LPAR3: variants seen among roughly 807,000 people sequenced by gnomAD.
The protein encoded by LPAR3 is lysophosphatidic acid receptor 3.
Under a neutral mutation model 17.8 loss-of-function variants are expected in LPAR3, and 7 were observed. That is an observed-to-expected ratio of 0.39 (90% CI 0.22 to 0.74). The LOEUF (loss-of-function observed/expected upper bound fraction) is 0.74. LPAR3 is among the 30% of genes least tolerant of loss of function. The probability of loss-of-function intolerance (pLI) is 0.40; values close to 1 mark genes in which losing one functional copy is unlikely to be tolerated. For synonymous variants in LPAR3, 179 were observed against 179.9 expected, an observed-to-expected ratio of 0.99 and a Z score of 0.04; for missense variants, 391 against 453.4, an observed-to-expected ratio of 0.86 and a Z score of 1.25.
intron 2 of LPAR3, among the ~76,000 whole-genome samples, chr1:84,821,982 G>C (rs896759875): frequency 6.6e-6 from 1 of 152,162 alleles, no homozygotes; most frequent in South Asian, 2.1e-4. Context: ...GCAGCCAGGA[G>C]CATGGGTCAG....
intron 2 of LPAR3, among the ~76,000 whole-genome samples, chr1:84,825,330 A>G (rs985868995): frequency 2.0e-5 from 3 of 152,248 alleles, no homozygotes; most frequent in African/African-American, 7.2e-5. Context: ...AATATCTAAC[A>G]TGCAATGGGC....
At chr1:84,821,783 T>C (rs1277511939) in intron 2 of LPAR3, among the ~76,000 whole-genome samples, 1 of 152,040 alleles carries the variant, frequency 6.6e-6, no homozygotes. Context: ...GGGAAGGAAA[T>C]GTGAGACCTG....
chr1:84,853,409 G>C (rs141481522), intron 2 of LPAR3, among the ~76,000 whole-genome samples: 1 of 152,290 alleles, frequency 6.6e-6, no homozygotes, highest in Non-Finnish European at 1.5e-5. Context: ...GTCAGCTGGG[G>C]AATGAGACAG....
In LPAR3 at chr1:84,888,562, T is replaced by C. The variant is rs140291564; in HGVS notation, c.-19+4454A>G. 9.6e-4 allele frequency among the ~76,000 whole-genome samples: 147 copies of C among 152,332 alleles called. 1 individual carries two copies. The highest frequency in any genetic ancestry group is 3.5e-3 in the African/African-American group (144 of 41,572). ...TTGAATTACATGGTCTGAGTCTGTC[T>C]GGGGGCAGCTCCAGAATTTCTACAG... On this transcript the variant is annotated intron_variant, in intron 1 of 2. Transcript: ENST00000370611.
chr1:84,872,735 C>G (rs369773466), intron 1 of LPAR3, among the ~76,000 whole-genome samples: 1 of 152,130 alleles, frequency 6.6e-6, no homozygotes, highest in Non-Finnish European at 1.5e-5. Context: ...AGGCTGTACA[C>G]AGGGACCTCC....
chr1:84,858,837 G>A (rs1472835017), intron 2 of LPAR3, among the ~76,000 whole-genome samples: 1 of 152,186 alleles, frequency 6.6e-6, no homozygotes, highest in Non-Finnish European at 1.5e-5. Context: ...TACGTTGATT[G>A]TTGTATGGAC....
chr1:84,828,521 T>C (rs1488514178), intron 2 of LPAR3, among the ~76,000 whole-genome samples: 2 of 152,266 alleles, frequency 1.3e-5, no homozygotes, highest in South Asian at 2.1e-4. Context: ...TACAAAGCAA[T>C]GTTAGTAAGA....
intron 1 of LPAR3, among the ~76,000 whole-genome samples, chr1:84,878,649 G>A (rs1333267238): frequency 1.3e-5 from 2 of 152,134 alleles, no homozygotes; most frequent in Admixed American, 6.5e-5. Flanking sequence ...CCTCAGCTCA[G>A]CTGTTGGAAG....
intron 2 of LPAR3, among the ~76,000 whole-genome samples, chr1:84,825,042 T>G (rs1299615948): frequency 2.0e-5 from 3 of 152,224 alleles, no homozygotes; most frequent in African/African-American, 7.2e-5. Context: ...CCATTCTATT[T>G]CTCTGCTCCC....
intron 2 of LPAR3, among the ~76,000 whole-genome samples, chr1:84,860,734 A>ATTTTTTT (rs35354113): frequency 3.5e-5 from 4 of 113,544 alleles, no homozygotes; most frequent in Non-Finnish European, 5.3e-5. Flanking sequence ...TTAGGATTTA[A>ATTTTTTT]TTTTTTTTTT....
chr1:84,828,522 G>A (rs1659211980), intron 2 of LPAR3, among the ~76,000 whole-genome samples: 2 of 152,094 alleles, frequency 1.3e-5, no homozygotes, highest in South Asian at 4.2e-4. Flanking sequence ...ACAAAGCAAT[G>A]TTAGTAAGAG....
At chr1:84,844,665 G>C (rs2102756027) in intron 2 of LPAR3, among the ~76,000 whole-genome samples, 2 of 152,194 alleles carry the variant, frequency 1.3e-5, no homozygotes, top group Middle Eastern at 6.8e-3. Flanking sequence ...AGCCACTGAA[G>C]AGAATTAGAC....
chr1:84,876,595 C>T (rs1418648496), intron 1 of LPAR3, among the ~76,000 whole-genome samples: 2 of 152,146 alleles, frequency 1.3e-5, no homozygotes, highest in South Asian at 4.1e-4. Context: ...GGACACTGTA[C>T]CATCTCTTGT....
intron 2 of LPAR3, among the ~76,000 whole-genome samples, chr1:84,835,971 TG>T (rs80108985): frequency 0.48 from 68,962 of 145,128 alleles, 16,866 homozygotes; most frequent in East Asian, 0.55. Context: ...ATTTACCTGG[TG>T]TTGTATGAAT....
intron 1 of LPAR3, among the ~76,000 whole-genome samples, chr1:84,874,336 C>A (rs1392290212): frequency 6.6e-6 from 1 of 152,132 alleles, no homozygotes; most frequent in East Asian, 1.9e-4. Context: ...TTTTGGAGAC[C>A]TTTAGGCAGG....
At chr1:84,873,316 A>G (rs1660191551) in intron 1 of LPAR3, among the ~76,000 whole-genome samples, 1 of 152,256 alleles carries the variant, frequency 6.6e-6, no homozygotes, top group Admixed American at 6.5e-5. Flanking sequence ...GGGTTATAAC[A>G]TAGGAACTCT....
chr1:84,873,765 T>G (rs960300031), intron 1 of LPAR3, among the ~76,000 whole-genome samples: 10 of 151,836 alleles, frequency 6.6e-5, no homozygotes, highest in African/African-American at 2.2e-4. Flanking sequence ...TTTGTTTTTT[T>G]TTTTTGAGAC....
intron 1 of LPAR3, among the ~76,000 whole-genome samples, chr1:84,879,709 CT>C (rs761680332): frequency 4.9e-4 from 74 of 152,262 alleles, no homozygotes; most frequent in Non-Finnish European, 6.9e-4. Flanking sequence ...CTCCTTGCAG[CT>C]AGGGTGGCTG....
At chr1:84,885,528 AT>A in intron 1 of LPAR3, among the ~76,000 whole-genome samples, 1 of 152,078 alleles carries the variant, frequency 6.6e-6, no homozygotes, top group Non-Finnish European at 1.5e-5. Flanking sequence ...TTCCATTCCT[AT>A]TTTCTTTCTT....
Sources: gnomAD v4.1 joint callset for allele counts (sites outside exome capture counted in the v4.1 genomes callset) on GRCh38, gnomAD v4.1.1 for gene constraint, MANE v1.5 for transcripts, NCBI Gene and HGNC (gene_info 2026-07-23, HGNC 2026-07-21) for gene names.